Variants in NDUFA10 observed in about 807,000 individuals in gnomAD.
NDUFA10 encodes the protein NADH dehydrogenase [ubiquinone] 1 alpha subcomplex subunit 10, mitochondrial.
In NDUFA10, 40 loss-of-function variants were observed where a neutral mutation model predicts 47.8. That is an observed-to-expected ratio of 0.84 (90% CI 0.65 to 1.09). The LOEUF (loss-of-function observed/expected upper bound fraction) is 1.09, where lower values mean the gene tolerates loss of function less well. NDUFA10 is among the 50% of genes least tolerant of loss of function. The pLI is 0.00. For synonymous variants in NDUFA10, 183 were observed against 172.2 expected (o/e 1.06, Z -0.49); for missense variants, 413 against 451.1 (o/e 0.92, Z 0.76).
intron 4 of NDUFA10, among the ~76,000 whole-genome samples, chr2:239,927,588 G>A (rs1247261115): frequency 1.3e-5 from 2 of 152,170 alleles, no homozygotes; most frequent in African/African-American, 2.4e-5. Context: ...AGCCTGGAGG[G>A]GGCTCAAGGG....
intron 9 of NDUFA10, among the ~76,000 whole-genome samples, chr2:239,964,717 C>A (rs1410442190): frequency 6.6e-6 from 1 of 152,192 alleles, no homozygotes; most frequent in African/African-American, 2.4e-5. Flanking sequence ...GAGGACACCT[C>A]CAGCAGAACC....
intron 9 of NDUFA10, among the ~76,000 whole-genome samples, chr2:239,966,520 G>A (rs921795820): frequency 4.6e-5 from 7 of 152,114 alleles, no homozygotes; most frequent in African/African-American, 9.7e-5. Context: ...GTTCCCACCC[G>A]TGCATCCTGA....
At chr2:239,940,639 T>TGAACACA (rs1694345144) in intron 4 of NDUFA10, among the ~76,000 whole-genome samples, 1 of 152,178 alleles carries the variant, frequency 6.6e-6, no homozygotes. Flanking sequence ...AGGAACACAT[T>TGAACACA]TGAAATTTAG....
intron 4 of NDUFA10, among the ~76,000 whole-genome samples, chr2:239,900,390 C>T (rs947619179): frequency 7.2e-6 from 1 of 139,666 alleles, no homozygotes. Context: ...CTCTGGAGAA[C>T]CTTGACTAAT....
chr2:239,983,005 C>T (rs982844012), intron 9 of NDUFA10, among the ~76,000 whole-genome samples: 1 of 152,186 alleles, frequency 6.6e-6, no homozygotes, highest in African/African-American at 2.4e-5. Flanking sequence ...AAGGCCTGCA[C>T]TCTCTCAGGG....
At chr2:240,005,317 T>C (rs763015265) in intron 7 of NDUFA10, 22 bp from the exon 8 acceptor site, 2 of 1,586,444 alleles carry the variant, frequency 1.3e-6, no homozygotes, top group Non-Finnish European at 1.7e-6. Flanking sequence ...AAAATTCCAA[T>C]TTAAACAGAG....
At chr2:239,941,214 G>A (rs538395282) in intron 4 of NDUFA10, among the ~76,000 whole-genome samples, 17 of 152,260 alleles carry the variant, frequency 1.1e-4, no homozygotes, top group Admixed American at 3.3e-4. Context: ...GCAAACACAC[G>A]AAACAACACA....
At chr2:239,904,983 G>A (rs1259869326) in intron 4 of NDUFA10, among the ~76,000 whole-genome samples, 1 of 152,198 alleles carries the variant, frequency 6.6e-6, no homozygotes, top group Non-Finnish European at 1.5e-5. Context: ...ATAGACACCT[G>A]TCATTGGGAA....
intron 4 of NDUFA10, among the ~76,000 whole-genome samples, chr2:239,934,043 G>A (rs1272448140): frequency 6.6e-6 from 1 of 152,116 alleles, no homozygotes; most frequent in African/African-American, 2.4e-5. Flanking sequence ...TTTTTGTAGA[G>A]GTGGGGTTTC....
chr2:239,971,123 C>G (rs555656045), intron 9 of NDUFA10, among the ~76,000 whole-genome samples: 10 of 152,326 alleles, frequency 6.6e-5, no homozygotes, highest in African/African-American at 1.7e-4. Context: ...AGAAGTGCCA[C>G]ATAAAAACAT....
chr2:239,939,613 G>A (rs755916114), intron 4 of NDUFA10, among the ~76,000 whole-genome samples: 4 of 152,264 alleles, frequency 2.6e-5, no homozygotes, highest in African/African-American at 4.8e-5. Flanking sequence ...AAGAAATGGT[G>A]AGAGGTTATT....
At position 240,009,507 on chromosome 2, in the gene NDUFA10, A is replaced by G. The variant is rs746835978; in HGVS notation, c.749+2110T>C. ...ACAAAGCCAGAAAATACACATTCCT[A>G]TGAGAGTTAGCTCATTGTACCTCTT... On this transcript the variant is annotated intron_variant, in intron 6 of 9. Coordinates refer to ENST00000252711, the MANE Select transcript of NDUFA10 (RefSeq NM_004544.4). 5.3e-5 allele frequency among the ~76,000 whole-genome samples: 8 copies of G among 152,248 alleles called. 1 individual carries two copies. Among genetic ancestry groups the G allele is most frequent in the South Asian group, 4.1e-4 (2 of 4,838 alleles).
chr2:239,950,514 T>C (rs80042457), intron 4 of NDUFA10, among the ~76,000 whole-genome samples: 1,865 of 152,246 alleles, frequency 0.012, 44 homozygotes, highest in East Asian at 0.044. Context: ...GATGTAAACA[T>C]TGACCTTTCC....
intron 8 of NDUFA10, among the ~76,000 whole-genome samples, chr2:240,002,345 A>G (rs1182507965): frequency 6.7e-6 from 1 of 150,274 alleles, no homozygotes; most frequent in East Asian, 1.9e-4. Context: ...AAAAAAAAAA[A>G]AAAAAAAAAA....
chr2:239,939,505 C>T (rs112255388), intron 4 of NDUFA10, among the ~76,000 whole-genome samples: 18 of 152,374 alleles, frequency 1.2e-4, no homozygotes, highest in African/African-American at 3.6e-4. Flanking sequence ...GCTTTTGCCA[C>T]ACTTTTTGTT....
chr2:239,929,256 A>G (rs1392464215), intron 4 of NDUFA10, among the ~76,000 whole-genome samples: 1 of 152,162 alleles, frequency 6.6e-6, no homozygotes, highest in African/African-American at 2.4e-5. Context: ...CAATGGCTGC[A>G]TCAGCCACCC....
rs377402914 is a variant in NDUFA10, at chr2:239,980,040, C to T, written c.999+10034G>A. Reference sequence around the variant, plus strand: ...CCCTACACCCCCACATCCCTCAGTCCCCTGCGTCAGGTGCCTGAGACCTCT... The same window carrying T: ...CCCTACACCCCCACATCCCTCAGTCTCCTGCGTCAGGTGCCTGAGACCTCT... On this transcript the variant is annotated intron_variant, in intron 9 of 9. Coordinates refer to ENST00000252711, the MANE Select transcript of NDUFA10 (RefSeq NM_004544.4). Among the ~76,000 whole-genome samples the T allele has an allele frequency of 8.5e-5, 13 of 152,158 alleles. No homozygotes were observed. In the South Asian group the frequency reaches 1.2e-3, roughly 15 times the overall value.
At chr2:240,014,953 C>A in intron 4 of NDUFA10, 93 bp from the exon 5 acceptor site, 3 of 1,561,130 alleles carry the variant, frequency 1.9e-6, no homozygotes, top group Non-Finnish European at 2.6e-6. Context: ...CAAACATACA[C>A]GCAATTCTCA....
chr2:239,949,339 G>A (rs1694512026), intron 4 of NDUFA10, among the ~76,000 whole-genome samples: 1 of 152,142 alleles, frequency 6.6e-6, no homozygotes, highest in African/African-American at 2.4e-5. Flanking sequence ...CAGGTATTTG[G>A]TCAAACAAGA....
Sources: allele counts gnomAD v4.1 joint callset (sites outside exome capture counted in the v4.1 genomes callset), GRCh38; gene constraint gnomAD v4.1.1; transcripts MANE v1.5; gene names NCBI Gene and HGNC (gene_info 2026-07-23, HGNC 2026-07-21).